The following NAALADL2 variants were observed in gnomAD, a reference collection of about 807,000 sequenced individuals.
NAALADL2 encodes inactive N-acetylated-alpha-linked acidic dipeptidase-like protein 2.
NAALADL2 carries 76 observed loss-of-function variants against 87.2 expected under a neutral mutation model. The observed-to-expected ratio is 0.87, with a 90% confidence interval of 0.72 to 1.05. The LOEUF (loss-of-function observed/expected upper bound fraction) is 1.05, where lower values mean the gene tolerates loss of function less well. Ranked by LOEUF, NAALADL2 falls within the 50% of genes least tolerant of loss-of-function variation. The pLI, the probability that NAALADL2 is intolerant of heterozygous loss-of-function variation, is 0.00. For missense variants in NAALADL2, 1,089 were observed against 945.8 expected (o/e 1.15, Z -1.99); for synonymous variants, 354 against 331.0 (o/e 1.07, Z -0.75).
chr3:174,701,995 C>T (rs1198727989), intron 2 of NAALADL2, among the ~76,000 whole-genome samples: 1 of 152,100 alleles, frequency 6.6e-6, no homozygotes, highest in Non-Finnish European at 1.5e-5. Flanking sequence ...TAAGAAACTG[C>T]CAAATTGTTT....
intron 13 of NAALADL2, among the ~76,000 whole-genome samples, chr3:175,801,829 T>A (rs778517478): frequency 6.6e-5 from 10 of 152,160 alleles, no homozygotes; most frequent in Non-Finnish European, 1.5e-4. Flanking sequence ...TATTTGTATC[T>A]ATGAATGTAT....
intron 1 of NAALADL2, among the ~76,000 whole-genome samples, chr3:174,868,171 G>A (rs2109587827): frequency 6.6e-6 from 1 of 152,142 alleles, no homozygotes; most frequent in South Asian, 2.1e-4. Context: ...TTGGAAGAAG[G>A]AGAAATGTAA....
intron 1 of NAALADL2, among the ~76,000 whole-genome samples, chr3:174,935,203 G>C (rs1369931693): frequency 1.3e-5 from 2 of 152,020 alleles, no homozygotes; most frequent in South Asian, 4.1e-4. Flanking sequence ...GTAATGTTCT[G>C]ACTCAGCAAG....
intron 1 of NAALADL2, among the ~76,000 whole-genome samples, chr3:174,499,486 G>T (rs756973987): frequency 4.5e-4 from 68 of 151,980 alleles, no homozygotes; most frequent in Non-Finnish European, 9.0e-4. Flanking sequence ...ATTATACTAA[G>T]ACAGCTCTGC....
chr3:174,880,347 A>T (rs561692268), intron 1 of NAALADL2, among the ~76,000 whole-genome samples: 6 of 152,140 alleles, frequency 3.9e-5, no homozygotes, highest in African/African-American at 1.4e-4. Context: ...AAAACAAAAA[A>T]CTCAAGTAAA....
At chr3:175,261,526 C>T (rs987066909) in intron 4 of NAALADL2, among the ~76,000 whole-genome samples, 14 of 151,960 alleles carry the variant, frequency 9.2e-5, no homozygotes, top group African/African-American at 3.4e-4. Context: ...ATTAATTATC[C>T]ATTTGTGCAT....
intron 1 of NAALADL2, chr3:175,081,271 C>T (rs988265302): frequency 2.6e-5 from 4 of 152,068 alleles, no homozygotes; most frequent in Non-Finnish European, 5.9e-5. Flanking sequence ...ATAAATATAA[C>T]ACAGTGTAAT....
intron 13 of NAALADL2, among the ~76,000 whole-genome samples, chr3:175,761,445 A>C (rs546037959): frequency 6.6e-6 from 1 of 152,222 alleles, no homozygotes. Context: ...GCAGTTGTGA[A>C]TAAAGCTGCT....
chr3:175,086,234 C>T (rs1470123384), intron 1 of NAALADL2, among the ~76,000 whole-genome samples: 7 of 152,158 alleles, frequency 4.6e-5, no homozygotes, highest in Non-Finnish European at 1.0e-4. Flanking sequence ...ATATATCATT[C>T]TCAACACATA....
chr3:174,680,333 G>C (rs1342946008), intron 2 of NAALADL2, among the ~76,000 whole-genome samples: 5 of 152,048 alleles, frequency 3.3e-5, no homozygotes, highest in Admixed American at 2.0e-4. Context: ...TAATCTCATC[G>C]ATGTTGAGTG....
Position 175,198,185 on chromosome 3 carries a change from C to G in NAALADL2, c.546-35746C>G, listed in dbSNP as rs1739299610. ...GTTGAATATGCTTTGAAGTTGTTCC[C>G]CAGTACTCACTCCTAGCAAGGACAG... On this transcript the variant is annotated intron_variant, in intron 2 of 13. Coordinates refer to ENST00000454872, the MANE Select transcript of NAALADL2 (RefSeq NM_207015.3). 2.6e-5 allele frequency among the ~76,000 whole-genome samples: 4 copies of G among 151,886 alleles called. No homozygotes were observed. The South Asian group carries it at 8.3e-4, about 31-fold the overall frequency.
chr3:174,813,469 A>G (rs757050223), intron 3 of NAALADL2, among the ~76,000 whole-genome samples: 7 of 152,176 alleles, frequency 4.6e-5, no homozygotes, highest in Non-Finnish European at 8.8e-5. Flanking sequence ...TATAGTTTTA[A>G]TAAAAGGCTG....
intron 5 of NAALADL2, among the ~76,000 whole-genome samples, chr3:175,440,304 G>C (rs1450136031): frequency 1.3e-5 from 2 of 152,112 alleles, no homozygotes; most frequent in African/African-American, 2.4e-5. Context: ...AGCATAGTTT[G>C]AAGTCAGGTA....
chr3:175,012,165 T>C (rs1457210518), intron 1 of NAALADL2, among the ~76,000 whole-genome samples: 1 of 152,092 alleles, frequency 6.6e-6, no homozygotes, highest in Non-Finnish European at 1.5e-5. Flanking sequence ...TGAATTATTT[T>C]ATTTATTTAT....
chr3:175,753,036 C>G (rs1280698341), intron 12 of NAALADL2, among the ~76,000 whole-genome samples: 1 of 152,094 alleles, frequency 6.6e-6, no homozygotes, highest in African/African-American at 2.4e-5. Context: ...TATTCAGGAG[C>G]TAGATTTTCT....
chr3:175,232,158 A>AG (rs1245299694), intron 2 of NAALADL2, among the ~76,000 whole-genome samples: 2 of 149,554 alleles, frequency 1.3e-5, no homozygotes, highest in African/African-American at 4.9e-5. Context: ...AGGAAGAAGA[A>AG]GGGGGAGGAG....
intron 1 of NAALADL2, chr3:175,079,317 T>C (rs1717272190): frequency 6.6e-6 from 1 of 152,232 alleles, no homozygotes; most frequent in African/African-American, 2.4e-5. Flanking sequence ...TTAGATAATC[T>C]GGACTCAAAT....
chr3:175,432,209 G>A (rs1001231445), intron 5 of NAALADL2, among the ~76,000 whole-genome samples: 1 of 151,902 alleles, frequency 6.6e-6, no homozygotes, highest in Non-Finnish European at 1.5e-5. Context: ...TGAAAAGTTG[G>A]ACCCTCATAT....
intron 1 of NAALADL2, among the ~76,000 whole-genome samples, chr3:175,053,520 G>A (rs1755686841): frequency 6.6e-6 from 1 of 152,168 alleles, no homozygotes; most frequent in Admixed American, 6.5e-5. Context: ...GTCTGCCTCA[G>A]CATCTGGCTC....
Sources: gnomAD v4.1 joint callset for allele counts (sites outside exome capture counted in the v4.1 genomes callset) on GRCh38, gnomAD v4.1.1 for gene constraint, MANE v1.5 for transcripts, NCBI Gene and HGNC (gene_info 2026-07-23, HGNC 2026-07-21) for gene names.